The following POU2F1 variants were observed in gnomAD, a reference collection of about 807,000 sequenced individuals.
POU2F1 encodes POU class 2 homeobox 1, also known as POU domain, class 2, transcription factor 1.
In POU2F1, 16 loss-of-function variants were observed where a neutral mutation model predicts 84.9. The observed-to-expected ratio is 0.19, with a 90% CI of 0.13 to 0.29. POU2F1 has a LOEUF of 0.29. POU2F1 is among the 10% of genes least tolerant of loss of function. The pLI, the probability that POU2F1 is intolerant of heterozygous loss-of-function variation, is 1.00. For missense variants in POU2F1, 738 were observed against 942.6 expected, an observed-to-expected ratio of 0.78 and a Z score of 2.84; for synonymous variants, 368 against 368.3, an observed-to-expected ratio of 1.00 and a Z score of 0.01.
intron 1 of POU2F1, among the ~76,000 whole-genome samples, chr1:167,252,500 G>A (rs923050298): frequency 6.6e-6 from 1 of 152,154 alleles, no homozygotes; most frequent in Non-Finnish European, 1.5e-5. Flanking sequence ...CACCGCGCCC[G>A]GCCTGAATCT....
intron 1 of POU2F1, among the ~76,000 whole-genome samples, chr1:167,313,396 AGAAGAG>A (rs1655636574): frequency 2.0e-5 from 3 of 152,250 alleles, no homozygotes; most frequent in Admixed American, 6.5e-5. Context: ...AAATAAAATA[AGAAGAG>A]TCAGTTACCC....
intron 9 of POU2F1, among the ~76,000 whole-genome samples, chr1:167,394,274 G>A (rs1419264745): frequency 1.3e-5 from 2 of 152,202 alleles, no homozygotes; most frequent in African/African-American, 4.8e-5. Context: ...ACCCGCCTGG[G>A]CCTCTTAAAG....
chr1:167,335,352 T>G (rs1214563539), intron 2 of POU2F1, among the ~76,000 whole-genome samples: 1 of 152,184 alleles, frequency 6.6e-6, no homozygotes, highest in Admixed American at 6.5e-5. Context: ...AATTAGGTGT[T>G]TCTTTGAAGA....
At chr1:167,337,330 AAAAG>A (rs1272187729) in intron 2 of POU2F1, among the ~76,000 whole-genome samples, 3 of 152,072 alleles carry the variant, frequency 2.0e-5, no homozygotes, top group Non-Finnish European at 2.9e-5. Context: ...TCTCAAAAAA[AAAAG>A]AAAGAAAAAA....
intron 1 of POU2F1, among the ~76,000 whole-genome samples, chr1:167,271,505 A>G (rs75788784): frequency 1.3e-5 from 2 of 152,354 alleles, no homozygotes; most frequent in African/African-American, 4.8e-5. Flanking sequence ...AAGATTGAGC[A>G]TGAAAAGATT....
intron 7 of POU2F1, among the ~76,000 whole-genome samples, chr1:167,378,077 A>T (rs868563563): frequency 5.9e-5 from 9 of 152,228 alleles, no homozygotes; most frequent in Non-Finnish European, 1.3e-4. Flanking sequence ...CAATAATGGG[A>T]TTGCTGTATC....
intron 1 of POU2F1, among the ~76,000 whole-genome samples, chr1:167,257,503 G>A (rs756929301): frequency 1.6e-4 from 25 of 152,064 alleles, no homozygotes; most frequent in Non-Finnish European, 3.2e-4. Context: ...AACCGTATAG[G>A]GCTGAACATA....
At position 167,421,778 on chromosome 1, in the gene POU2F1, T is replaced by A. The variant is rs896867754; in HGVS notation, c.*5968T>A. 3.3e-5 allele frequency: 5 copies of A among 152,104 alleles called. No individual in the cohort carries two copies. Among genetic ancestry groups the A allele is most frequent in the Admixed American group, 6.6e-5 (1 of 15,266 alleles). The allele number at this position is 152,104 out of a possible 1,614,324, so 9.4% of individuals were successfully genotyped here. ...AAAACCAAATAAATAAGTGAAAAAA[T>A]TTTATAAATAGTGGAAATAATTCTA... is the stretch of plus-strand genomic sequence containing the variant. On this transcript the variant is annotated 3_prime_UTR_variant, in exon 16 of 16. Transcript: ENST00000367866.
chr1:167,237,435 C>T (rs1322031961), intron 1 of POU2F1, among the ~76,000 whole-genome samples: 4 of 152,022 alleles, frequency 2.6e-5, no homozygotes, highest in Non-Finnish European at 4.4e-5. Context: ...GTTGTTTTTC[C>T]GGTACCCTTT....
intron 1 of POU2F1, chr1:167,241,276 C>G (rs1275828360): frequency 6.6e-6 from 1 of 152,136 alleles, no homozygotes; most frequent in Admixed American, 6.5e-5. Flanking sequence ...TGTCTTCTGT[C>G]ATAATCTATT....
rs148106320 is a variant in POU2F1 at position 167,384,205 on chromosome 1, T to C, written c.813+254T>C. Among the ~76,000 whole-genome samples the C allele has an allele frequency of 6.3e-3, 957 of 152,312 alleles. 11 individuals are homozygous for C. The highest frequency in any genetic ancestry group is 0.021 in the African/African-American group (893 of 41,580). On this transcript the variant is annotated intron_variant, in intron 8 of 15. Coordinates refer to ENST00000367866, the MANE Select transcript of POU2F1 (RefSeq NM_002697.4). ...GTAAATGAGTAATGAGTTCTAGCTA[T>C]GTGACATCTCCCCTCACCATACTTG...
intron 1 of POU2F1, among the ~76,000 whole-genome samples, chr1:167,247,038 A>G (rs1553197564): frequency 9.1e-4 from 68 of 75,024 alleles, no homozygotes; most frequent in African/African-American, 2.3e-3. Flanking sequence ...TTATATATAT[A>G]TGTGTGTGTG....
intron 1 of POU2F1, among the ~76,000 whole-genome samples, chr1:167,253,828 G>T (rs1451501513): frequency 1.3e-5 from 2 of 152,088 alleles, no homozygotes; most frequent in African/African-American, 4.8e-5. Flanking sequence ...GTGGAGAAAA[G>T]AATAGAAATG....
At chr1:167,414,390 T>C in intron 15 of POU2F1, 1 of 985,406 alleles carries the variant, frequency 1.0e-6, no homozygotes, top group Non-Finnish European at 1.2e-6. Flanking sequence ...AACTTCAAGC[T>C]GCACTGTCTC....
chr1:167,284,910 GCTGTTTT>G (rs1395894969), intron 1 of POU2F1, among the ~76,000 whole-genome samples: 1 of 152,150 alleles, frequency 6.6e-6, no homozygotes, highest in Non-Finnish European at 1.5e-5. Flanking sequence ...GTTTTGCTTT[GCTGTTTT>G]GTTGCAAGTA....
intron 1 of POU2F1, among the ~76,000 whole-genome samples, chr1:167,308,093 G>A (rs1213513534): frequency 6.7e-6 from 1 of 149,382 alleles, no homozygotes; most frequent in Non-Finnish European, 1.5e-5. Context: ...TTTAGACGGA[G>A]CCTTGCTCTG....
At chr1:167,374,574 C>G (rs1231055461) in intron 6 of POU2F1, among the ~76,000 whole-genome samples, 14 of 152,032 alleles carry the variant, frequency 9.2e-5, no homozygotes. Flanking sequence ...ATTTTTGAAG[C>G]AGGGGATTAC....
chr1:167,242,778 T>C (rs1650004304), intron 1 of POU2F1, among the ~76,000 whole-genome samples: 1 of 152,248 alleles, frequency 6.6e-6, no homozygotes, highest in Non-Finnish European at 1.5e-5. Flanking sequence ...TGCCTTGCTA[T>C]GAAAATGATA....
chr1:167,255,877 G>A (rs938659532), intron 1 of POU2F1, among the ~76,000 whole-genome samples: 3 of 152,206 alleles, frequency 2.0e-5, no homozygotes, highest in African/African-American at 7.2e-5. Context: ...AGAAGATAAT[G>A]CAGATGGGAG....
Sources: allele counts gnomAD v4.1 joint callset (sites outside exome capture counted in the v4.1 genomes callset), GRCh38; gene constraint gnomAD v4.1.1; transcripts MANE v1.5; gene names NCBI Gene and HGNC (gene_info 2026-07-23, HGNC 2026-07-21).